The following AUTS2 variants were observed in gnomAD, a reference collection of about 807,000 sequenced individuals.
The protein encoded by AUTS2 is autism susceptibility gene 2 protein.
Under a neutral mutation model 112.4 loss-of-function variants are expected in AUTS2, and 17 were observed. That is an observed-to-expected ratio of 0.15 (90% CI 0.10 to 0.23). The LOEUF (loss-of-function observed/expected upper bound fraction) is 0.23, where lower values mean the gene tolerates loss of function less well. Among genes scored for constraint, AUTS2 ranks in the 10% least tolerant of loss-of-function variants. The probability of loss-of-function intolerance (pLI) is 1.00; values close to 1 mark genes in which losing one functional copy is unlikely to be tolerated. For missense variants in AUTS2, 1,510 were observed against 1,701.6 expected, an observed-to-expected ratio of 0.89 and a Z score of 1.98; for synonymous variants, 751 against 702.7, an observed-to-expected ratio of 1.07 and a Z score of -1.09.
intron 5 of AUTS2, among the ~76,000 whole-genome samples, chr7:70,645,717 C>A (rs1806123688): frequency 6.6e-6 from 1 of 152,168 alleles, no homozygotes; most frequent in South Asian, 2.1e-4. Flanking sequence ...GAGAGTATAT[C>A]ATTGCTGCAT....
chr7:69,657,878 G>A (rs537004529), intron 1 of AUTS2, among the ~76,000 whole-genome samples: 1 of 152,318 alleles, frequency 6.6e-6, no homozygotes, highest in East Asian at 1.9e-4. Flanking sequence ...TAAAAAGCAG[G>A]GAAATTGTAT....
chr7:70,219,558 A>G (rs1291371494), intron 4 of AUTS2, among the ~76,000 whole-genome samples: 1 of 151,800 alleles, frequency 6.6e-6, no homozygotes, highest in Admixed American at 6.6e-5. Context: ...ACAAACAGTA[A>G]ATTTTTTTCT....
chr7:70,012,294 G>A (rs546659133), intron 2 of AUTS2, among the ~76,000 whole-genome samples: 5 of 152,230 alleles, frequency 3.3e-5, no homozygotes, highest in South Asian at 2.1e-4. Flanking sequence ...GGGCCCTGGC[G>A]TCCAGGGTAA....
chr7:70,402,725 G>A (rs967756763), intron 4 of AUTS2, among the ~76,000 whole-genome samples: 17 of 152,128 alleles, frequency 1.1e-4, no homozygotes, highest in African/African-American at 4.1e-4. Context: ...ACCTTTCTGA[G>A]CTTCAGTCTC....
chr7:69,850,368 C>T lies in AUTS2; in HGVS notation c.310-48918C>T, dbSNP rs1584338427. Among the ~76,000 whole-genome samples, 2 of 130,170 alleles carry T rather than the reference C, an allele frequency of 1.5e-5. 1 individual carries two copies. The highest frequency in any genetic ancestry group is 5.0e-4 in the South Asian group (2 of 4,026). 85.4% of individuals were successfully genotyped at this position (130,170 alleles called of 152,430 possible). On this transcript the variant is annotated intron_variant, in intron 1 of 18. Coordinates refer to ENST00000342771, the MANE Select transcript of AUTS2 (RefSeq NM_015570.4). Reference sequence around the variant, plus strand: ...GAGCCCGGATCATGCTACTGCACTCCAGCCTGGGCAACAGAGCGAAACTCT... The same window carrying T: ...GAGCCCGGATCATGCTACTGCACTCTAGCCTGGGCAACAGAGCGAAACTCT...
chr7:70,406,261 T>C (rs918081003), intron 4 of AUTS2, among the ~76,000 whole-genome samples: 2 of 152,166 alleles, frequency 1.3e-5, no homozygotes, highest in Non-Finnish European at 2.9e-5. Context: ...AGTGAGAGGC[T>C]TCCCCCTGTT....
chr7:70,150,339 G>T (rs1226802657), intron 4 of AUTS2, among the ~76,000 whole-genome samples: 1 of 152,076 alleles, frequency 6.6e-6, no homozygotes, highest in East Asian at 1.9e-4. Flanking sequence ...AAAGGTAAAG[G>T]TACTTTTGAA....
At chr7:70,254,834 G>C (rs1200261691) in intron 4 of AUTS2, among the ~76,000 whole-genome samples, 1 of 152,066 alleles carries the variant, frequency 6.6e-6, no homozygotes, top group Non-Finnish European at 1.5e-5. Context: ...CAACATAATA[G>C]GATAATTTTA....
chr7:69,994,340 A>G (rs1202725123), intron 2 of AUTS2, among the ~76,000 whole-genome samples: 1 of 152,230 alleles, frequency 6.6e-6, no homozygotes, highest in Non-Finnish European at 1.5e-5. Context: ...TTTCTGAATA[A>G]TAGTTTCTTG....
intron 4 of AUTS2, among the ~76,000 whole-genome samples, chr7:70,203,643 C>A (rs1489760787): frequency 1.4e-5 from 2 of 147,138 alleles, no homozygotes; most frequent in Non-Finnish European, 3.0e-5. Context: ...TAAACAGAGT[C>A]TTCTTTTGTA....
chr7:70,141,715 T>C (rs1806873177), intron 4 of AUTS2, among the ~76,000 whole-genome samples: 1 of 152,158 alleles, frequency 6.6e-6, no homozygotes, highest in Non-Finnish European at 1.5e-5. Flanking sequence ...GAAAATATAA[T>C]TGTATTTCCC....
At chr7:70,438,048 C>A (rs1489974248) in intron 5 of AUTS2, among the ~76,000 whole-genome samples, 9 of 152,006 alleles carry the variant, frequency 5.9e-5, no homozygotes, top group Admixed American at 5.9e-4. Context: ...GCCTTTGGGG[C>A]TGTCTTGAAC....
intron 4 of AUTS2, among the ~76,000 whole-genome samples, chr7:70,171,824 T>C (rs1460800304): frequency 6.6e-6 from 1 of 152,108 alleles, no homozygotes; most frequent in African/African-American, 2.4e-5. Context: ...CACTTATCCA[T>C]TGGCAATCTA....
chr7:69,838,223 A>G (rs959764397), intron 1 of AUTS2, among the ~76,000 whole-genome samples: 6 of 152,194 alleles, frequency 3.9e-5, no homozygotes, highest in Non-Finnish European at 8.8e-5. Context: ...TGAAGTTAGA[A>G]GAATTTTGGG....
At chr7:70,486,387 A>G (rs1247465879) in intron 5 of AUTS2, among the ~76,000 whole-genome samples, 4 of 152,242 alleles carry the variant, frequency 2.6e-5, no homozygotes, top group Non-Finnish European at 4.4e-5. Context: ...TAATAGTAGT[A>G]TATGTCAAGT....
At chr7:69,844,182 A>G (rs1036919835) in intron 1 of AUTS2, among the ~76,000 whole-genome samples, 1 of 152,226 alleles carries the variant, frequency 6.6e-6, no homozygotes, top group Non-Finnish European at 1.5e-5. Flanking sequence ...TTAGAAAGAA[A>G]TAGAAACCCC....
chr7:70,695,084 C>T (rs1308350039), intron 5 of AUTS2: 1 of 151,978 alleles, frequency 6.6e-6, no homozygotes, highest in African/African-American at 2.4e-5. Flanking sequence ...TTGCCTACCT[C>T]TCGCGGTCGG....
At chr7:69,916,283 G>A (rs1409622646) in intron 2 of AUTS2, among the ~76,000 whole-genome samples, 1 of 152,174 alleles carries the variant, frequency 6.6e-6, no homozygotes, top group Non-Finnish European at 1.5e-5. Flanking sequence ...ACTACTCACT[G>A]TCCCTTGACA....
At chr7:70,015,756 A>G (rs1799998756) in intron 2 of AUTS2, among the ~76,000 whole-genome samples, 1 of 152,144 alleles carries the variant, frequency 6.6e-6, no homozygotes, top group African/African-American at 2.4e-5. Flanking sequence ...GGCTCAGGGA[A>G]ATGTCTCTAT....
Sources: gnomAD v4.1 joint callset for allele counts (sites outside exome capture counted in the v4.1 genomes callset) on GRCh38, gnomAD v4.1.1 for gene constraint, MANE v1.5 for transcripts, NCBI Gene and HGNC (gene_info 2026-07-23, HGNC 2026-07-21) for gene names.